Variants in HDAC9 observed in about 807,000 individuals in gnomAD.
HDAC9 encodes the protein histone deacetylase 9.
HDAC9 carries 41 observed loss-of-function variants against 139.4 expected under a neutral mutation model. The ratio of observed to expected loss-of-function variants is 0.29; its 90% CI spans 0.23 to 0.38. The LOEUF (loss-of-function observed/expected upper bound fraction) is 0.38, where lower values mean the gene tolerates loss of function less well. HDAC9 is among the 10% of genes least tolerant of loss of function. The pLI, the probability that HDAC9 is intolerant of heterozygous loss-of-function variation, is 1.00. For missense variants in HDAC9, 1,147 were observed against 1,297.0 expected, an observed-to-expected ratio of 0.88 and a Z score of 1.78; for synonymous variants, 517 against 476.2, an observed-to-expected ratio of 1.09 and a Z score of -1.12.
At chr7:18,464,737 A>G (rs946888273) in intron 1 of HDAC9, among the ~76,000 whole-genome samples, 1 of 151,978 alleles carries the variant, frequency 6.6e-6, no homozygotes, top group African/African-American at 2.4e-5. Context: ...GGAATATTTT[A>G]TGCTTCCTTT....
chr7:18,189,405 G>T (rs1790166380), intron 2 of HDAC9, among the ~76,000 whole-genome samples: 1 of 152,138 alleles, frequency 6.6e-6, no homozygotes, highest in African/African-American at 2.4e-5. Context: ...AACCACCATG[G>T]CACATATATA....
At chr7:18,106,961 T>C (rs1783255944) in intron 1 of HDAC9, among the ~76,000 whole-genome samples, 1 of 152,226 alleles carries the variant, frequency 6.6e-6, no homozygotes. Flanking sequence ...TTAACTTTGA[T>C]GAGCTTATAC....
At chr7:18,457,995 T>C (rs781657484) in intron 1 of HDAC9, among the ~76,000 whole-genome samples, 2 of 152,166 alleles carry the variant, frequency 1.3e-5, no homozygotes, top group Non-Finnish European at 2.9e-5. Flanking sequence ...AGGTTGTGTA[T>C]GGCCATACAC....
intron 1 of HDAC9, among the ~76,000 whole-genome samples, chr7:18,389,362 C>T (rs1480818256): frequency 1.3e-5 from 2 of 152,168 alleles, no homozygotes; most frequent in Non-Finnish European, 2.9e-5. Flanking sequence ...TTTAGGACAG[C>T]ACAGCAGCTC....
rs189310202 is a variant in HDAC9 at position 18,648,939 on chromosome 7, G to A, written c.1467+256G>A. Among the ~76,000 whole-genome samples the A allele has an allele frequency of 1.1e-4, 16 of 152,212 alleles. No homozygotes were observed. In the East Asian group the frequency reaches 3.1e-3, roughly 29 times the overall value. ...CTTTTTATGATCAGGTATATATTTT[G>A]GTACACAAGCCCATACGGGCATATG... On this transcript the variant is annotated intron_variant, in intron 11 of 25. Coordinates refer to ENST00000686413, the MANE Select transcript of HDAC9 (RefSeq NM_178425.4).
At chr7:18,401,662 A>G (rs1014812061) in intron 1 of HDAC9, among the ~76,000 whole-genome samples, 4 of 152,200 alleles carry the variant, frequency 2.6e-5, no homozygotes, top group Admixed American at 6.5e-5. Flanking sequence ...TACATCATGT[A>G]TAGAGTAAAC....
chr7:18,482,410 A>AAAAAAAAAAAAAAAAAAAAAAAAG, intron 1 of HDAC9, among the ~76,000 whole-genome samples: 1 of 136,888 alleles, frequency 7.3e-6, no homozygotes, highest in African/African-American at 2.7e-5. Context: ...AAAAAAAAAA[A>AAAAAAAAAAAAAAAAAAAAAAAAG]AAAAAAATTC....
intron 2 of HDAC9, among the ~76,000 whole-genome samples, chr7:18,181,506 A>C (rs571390369): frequency 6.6e-6 from 1 of 152,358 alleles, no homozygotes; most frequent in Admixed American, 6.5e-5. Context: ...TCATTTCAGT[A>C]ACTACAAGGA....
chr7:18,258,702 G>A (rs1044262771), intron 2 of HDAC9, among the ~76,000 whole-genome samples: 1 of 152,168 alleles, frequency 6.6e-6, no homozygotes, highest in Non-Finnish European at 1.5e-5. Context: ...CAAGGTCTAT[G>A]TGATACTAAA....
intron 1 of HDAC9, among the ~76,000 whole-genome samples, chr7:18,351,934 T>C (rs10486304): frequency 0.23 from 34,347 of 152,094 alleles, 3,953 homozygotes; most frequent in African/African-American, 0.26. Flanking sequence ...AGTGACAATA[T>C]ACAAGGTTAT....
At chr7:18,482,000 C>T (rs977129023) in intron 1 of HDAC9, among the ~76,000 whole-genome samples, 3 of 152,090 alleles carry the variant, frequency 2.0e-5, no homozygotes, top group African/African-American at 4.8e-5. Context: ...TCTTCACTAC[C>T]AGCATTTTCA....
intron 1 of HDAC9, among the ~76,000 whole-genome samples, chr7:18,101,253 C>G (rs1290946995): frequency 6.6e-6 from 1 of 152,178 alleles, no homozygotes; most frequent in East Asian, 1.9e-4. Context: ...CTCCTCAATT[C>G]AGGGATTATT....
chr7:18,761,635 C>G (rs1437815618), intron 14 of HDAC9, among the ~76,000 whole-genome samples: 1 of 152,110 alleles, frequency 6.6e-6, no homozygotes, highest in Non-Finnish European at 1.5e-5. Context: ...TCCCATGGGA[C>G]ACAGTTTGAG....
intron 1 of HDAC9, among the ~76,000 whole-genome samples, chr7:18,460,635 T>C (rs535318186): frequency 2.0e-5 from 3 of 151,720 alleles, no homozygotes; most frequent in African/African-American, 7.2e-5. Context: ...AAATACAAAA[T>C]TAGCGAGGCG....
chr7:18,319,726 T>TTGGAAGGTACAG (rs2067369), intron 1 of HDAC9, among the ~76,000 whole-genome samples: 1 of 151,958 alleles, frequency 6.6e-6, no homozygotes, highest in African/African-American at 2.4e-5. Context: ...CCATCCAACT[T>TTGGAAGGTACAG]ATGTATTTGT....
chr7:18,557,080 TG>T (rs2128689925), intron 2 of HDAC9, among the ~76,000 whole-genome samples: 1 of 152,184 alleles, frequency 6.6e-6, no homozygotes, highest in East Asian at 1.9e-4. Context: ...AATTTTTAAA[TG>T]ATCTCATTTG....
intron 11 of HDAC9, among the ~76,000 whole-genome samples, chr7:18,649,480 C>T (rs1216115224): frequency 6.6e-6 from 1 of 152,038 alleles, no homozygotes; most frequent in African/African-American, 2.4e-5. Context: ...AATTCTATTC[C>T]CTTGCCTTTG....
At chr7:18,940,103 G>T in intron 23 of HDAC9, among the ~76,000 whole-genome samples, 1 of 152,108 alleles carries the variant, frequency 6.6e-6, no homozygotes, top group African/African-American at 2.4e-5. Flanking sequence ...ATGATCAGCA[G>T]AATAATATGT....
At chr7:18,532,322 AT>A (rs1809295510) in intron 2 of HDAC9, among the ~76,000 whole-genome samples, 1 of 152,258 alleles carries the variant, frequency 6.6e-6, no homozygotes, top group Admixed American at 6.5e-5. Flanking sequence ...AAGGCATCAC[AT>A]TTTGGCCATC....
Sources: gnomAD v4.1 joint callset for allele counts (sites outside exome capture counted in the v4.1 genomes callset) on GRCh38, gnomAD v4.1.1 for gene constraint, MANE v1.5 for transcripts, NCBI Gene and HGNC (gene_info 2026-07-23, HGNC 2026-07-21) for gene names.